COL5A2: variants seen among roughly 807,000 people sequenced by gnomAD.
COL5A2 encodes the protein collagen alpha-2(V) chain.
In COL5A2, 23 loss-of-function variants were observed where a neutral mutation model predicts 208.2. The observed-to-expected ratio is 0.11, with a 90% CI of 0.08 to 0.16. The LOEUF (loss-of-function observed/expected upper bound fraction) is 0.16. COL5A2 is among the 10% of genes least tolerant of loss of function. The pLI is 1.00. For synonymous variants in COL5A2, 625 were observed against 628.5 expected, an observed-to-expected ratio of 0.99 and a Z score of 0.08; for missense variants, 1,590 against 1,956.4, an observed-to-expected ratio of 0.81 and a Z score of 3.53.
chr2:189,254,340 T>C, the COL5A2 span, among the ~76,000 whole-genome samples: 136,150 of 152,290 alleles, frequency 0.89, 61,090 homozygotes, highest in East Asian at 0.99. Context: ...CTGAATGTTT[T>C]ACAAACAGCA....
chr2:189,190,015 G>A (rs1047163651), intron 1 of COL5A2, among the ~76,000 whole-genome samples: 15 of 152,090 alleles, frequency 9.9e-5, no homozygotes, highest in Non-Finnish European at 1.6e-4. Flanking sequence ...ACTTGATTTT[G>A]AGTATGTTCT....
the COL5A2 span, chr2:189,312,077 G>T: frequency 1.9e-5 from 15 of 772,056 alleles, no homozygotes; most frequent in Non-Finnish European, 3.1e-5. Flanking sequence ...GGGCATTGTC[G>T]ATCTGCAGAA....
the COL5A2 span, among the ~76,000 whole-genome samples, chr2:189,255,071 T>C: frequency 6.6e-6 from 1 of 152,212 alleles, no homozygotes; most frequent in Admixed American, 6.5e-5. Context: ...CTCCCACTTC[T>C]ACCAATCAGA....
In COL5A2 at chr2:189,198,482, A is replaced by G. The variant is rs192984297; in HGVS notation, c.-42+26666T>C. Among the ~76,000 whole-genome samples, 26 of 152,280 alleles carry G rather than the reference A, an allele frequency of 1.7e-4. No individual in the cohort carries two copies. In the East Asian group the frequency reaches 4.4e-3, roughly 26 times the overall value. ...GAGGAGACATTTAGTAGAAGGTACC[A>G]CTTTTTGAAGAAATCCAGTGGTGAA... On this transcript the variant is annotated intron_variant, in intron 1 of 10. Coordinates refer to the COL5A2 transcript ENST00000649966.
the COL5A2 span, among the ~76,000 whole-genome samples, chr2:189,253,536 C>T: frequency 2.6e-5 from 4 of 152,186 alleles, no homozygotes; most frequent in South Asian, 6.2e-4. Flanking sequence ...TGTGTGTCTT[C>T]GAATTTGTTG....
At chr2:189,212,732 A>C (rs2105869581) in intron 1 of COL5A2, among the ~76,000 whole-genome samples, 1 of 151,940 alleles carries the variant, frequency 6.6e-6, no homozygotes, top group Non-Finnish European at 1.5e-5. Flanking sequence ...ATTGAATGGT[A>C]GATGGGCAAT....
chr2:189,073,642 T>A (rs941853127), intron 17 of COL5A2, among the ~76,000 whole-genome samples: 1 of 152,132 alleles, frequency 6.6e-6, no homozygotes, highest in Non-Finnish European at 1.5e-5. Flanking sequence ...AATATAAGTA[T>A]GTACATTTTA....
chr2:189,187,873 G>A (rs1308254736), intron 1 of COL5A2, among the ~76,000 whole-genome samples: 2 of 151,356 alleles, frequency 1.3e-5, no homozygotes, highest in Non-Finnish European at 2.9e-5. Flanking sequence ...GGAGGCCGAG[G>A]CAGGAGAATG....
intron 1 of COL5A2, among the ~76,000 whole-genome samples, chr2:189,157,858 A>C (rs1196311791): frequency 6.6e-6 from 1 of 152,048 alleles, no homozygotes; most frequent in Non-Finnish European, 1.5e-5. Flanking sequence ...GATATTAGTC[A>C]TACATATATT....
the COL5A2 span, among the ~76,000 whole-genome samples, chr2:189,282,843 G>A: frequency 6.6e-6 from 1 of 152,110 alleles, no homozygotes. Flanking sequence ...GTTCAATAGA[G>A]CTTTTGTGCC....
At chr2:189,296,440 T>C in the COL5A2 span, among the ~76,000 whole-genome samples, 1 of 152,228 alleles carries the variant, frequency 6.6e-6, no homozygotes. Flanking sequence ...GGTCTGTTTC[T>C]AGTGACCAAT....
intron 1 of COL5A2, among the ~76,000 whole-genome samples, chr2:189,173,570 GATAA>G (rs773404462): frequency 3.0e-4 from 46 of 151,950 alleles, no homozygotes; most frequent in Non-Finnish European, 5.1e-4. Flanking sequence ...GTAAAATTTA[GATAA>G]ATATATATGA....
At chr2:189,038,651 T>G (rs542297525) in intron 51 of COL5A2, among the ~76,000 whole-genome samples, 12 of 152,280 alleles carry the variant, frequency 7.9e-5, no homozygotes, top group African/African-American at 2.6e-4. Flanking sequence ...CACCAATAAG[T>G]GTATAAGCAT....
At chr2:189,290,501 C>T in the COL5A2 span, among the ~76,000 whole-genome samples, 5 of 151,992 alleles carry the variant, frequency 3.3e-5, no homozygotes, top group African/African-American at 4.8e-5. Flanking sequence ...ACGTTGAAGA[C>T]GTAAATTATA....
chr2:189,066,373 G>A lies in COL5A2; in HGVS notation c.1563+17C>T. The A allele has an allele frequency of 6.3e-7, 1 of 1,584,452 alleles. No homozygotes were observed. Among genetic ancestry groups the A allele is most frequent in the Non-Finnish European group, 8.7e-7 (1 of 1,152,924 alleles). On this transcript the variant is annotated intron_variant, in intron 23 of 53. Transcript: ENST00000374866. ...TCCCTCACAACTGTAAGAATGTGTT[G>A]TATTATTTAAATTTACCCTTTCTCC...
At chr2:189,077,760 G>C (rs993274719) in intron 16 of COL5A2, among the ~76,000 whole-genome samples, 1 of 152,110 alleles carries the variant, frequency 6.6e-6, no homozygotes, top group Non-Finnish European at 1.5e-5. Flanking sequence ...TGAGGTGGTT[G>C]TCCTCTATGG....
rs1283292284 is a variant in COL5A2, at chr2:189,064,037, A to C, written c.1717-4T>G. The C allele has an allele frequency of 6.2e-7, 1 of 1,613,012 alleles. No individual in the cohort carries two copies. The highest frequency in any genetic ancestry group is 8.5e-7 in the Non-Finnish European group (1 of 1,179,458). ...CACCAGGATTTCCTGTCAAACCCTG[A>C]AAATAAAAAACCAACTGTCAGTTTG... On this transcript the variant is annotated splice_polypyrimidine_tract_variant and splice_region_variant and intron_variant, in intron 25 of 53. Transcript: ENST00000374866.
At chr2:189,137,677 CTG>C (rs1002782986) in intron 1 of COL5A2, among the ~76,000 whole-genome samples, 4 of 152,088 alleles carry the variant, frequency 2.6e-5, no homozygotes, top group African/African-American at 9.7e-5. Context: ...TAGCTTCTAA[CTG>C]TGCAGAAGAC....
the COL5A2 span, among the ~76,000 whole-genome samples, chr2:189,261,552 T>C: frequency 3.3e-5 from 5 of 152,206 alleles, no homozygotes; most frequent in Non-Finnish European, 7.4e-5. Context: ...CATTATACAA[T>C]GCATATGAAT....
Sources: gnomAD v4.1 joint callset for allele counts (sites outside exome capture counted in the v4.1 genomes callset) on GRCh38, gnomAD v4.1.1 for gene constraint, MANE v1.5 for transcripts, NCBI Gene and HGNC (gene_info 2026-07-23, HGNC 2026-07-21) for gene names.